TRIOBP: variants seen among roughly 807,000 people sequenced by gnomAD.
TRIOBP encodes the protein TRIO and F-actin binding protein.
A neutral mutation model predicts 238.8 loss-of-function variants in TRIOBP; 169 were observed. The ratio of observed to expected loss-of-function variants is 0.71; its 90% CI spans 0.62 to 0.80. TRIOBP has a LOEUF of 0.80. TRIOBP is among the 30% of genes least tolerant of loss of function. The pLI is 0.00. For missense variants in TRIOBP, 2,838 were observed against 3,122.6 expected (o/e 0.91, Z 2.17); for synonymous variants, 1,150 against 1,274.4 (o/e 0.90, Z 2.08).
chr22:37,731,351 G>A (rs1924413631), intron 7 of TRIOBP, among the ~76,000 whole-genome samples: 1 of 151,906 alleles, frequency 6.6e-6, no homozygotes, highest in Non-Finnish European at 1.5e-5. Context: ...TCTGTTGCCA[G>A]GGCTGTCTCA....
chr22:37,759,602 G>A, intron 17 of TRIOBP: 5 of 1,561,158 alleles, frequency 3.2e-6, no homozygotes, highest in Non-Finnish European at 4.3e-6. Flanking sequence ...CTTGCCCCGG[G>A]GAAGTGGGGG....
intron 3 of TRIOBP, among the ~76,000 whole-genome samples, chr22:37,703,795 G>A (rs1228421249): frequency 6.6e-6 from 1 of 151,838 alleles, no homozygotes; most frequent in Non-Finnish European, 1.5e-5. Flanking sequence ...ATGAGCCACC[G>A]CGCCCAGCTT....
chr22:37,739,442 C>T (rs1924834942), intron 10 of TRIOBP, among the ~76,000 whole-genome samples: 1 of 152,136 alleles, frequency 6.6e-6, no homozygotes, highest in African/African-American at 2.4e-5. Context: ...ATAGCGCCCC[C>T]CAAGTAGGGC....
In TRIOBP at chr22:37,738,693, C is replaced by T; in HGVS notation, c.5158C>T (p.Leu1720=). The T allele has an allele frequency of 6.2e-7, 1 of 1,613,964 alleles. No homozygotes were observed. Among genetic ancestry groups the T allele is most frequent in the Non-Finnish European group, 8.5e-7 (1 of 1,179,966 alleles). The part of the protein sequence containing the change: ...ESEPSRGQDP[L]TDQKQADSAD... ...AGAACCAAGCAGAGGCCAAGACCCC[C>T]TGACTGACCAGAAGCAGGCAGACTC... Residue 1720 remains leucine (L), a synonymous_variant, in exon 10 of 24, where the codon CTG becomes TTG. Coordinates refer to ENST00000644935, the MANE Select transcript of TRIOBP (RefSeq NM_001039141.3).
chr22:37,751,695 G>A, intron 11 of TRIOBP, 77 bp from the exon 12 acceptor site: 1 of 1,540,128 alleles, frequency 6.5e-7, no homozygotes, highest in Middle Eastern at 1.7e-4. Context: ...GACAGGGTGG[G>A]TGCAGCACGC....
Position 37,769,269 on chromosome 22 carries a change from A to T in TRIOBP, c.6743A>T (p.His2248Leu). 1 of 1,610,984 alleles carries T rather than the reference A, an allele frequency of 6.2e-7. No individual in the cohort carries two copies. The highest frequency in any genetic ancestry group is 8.5e-7 in the Non-Finnish European group (1 of 1,179,112). ...CCACCGTGCCTCTCCCAGGAGCTGC[A>T]TGGCCGCCTGTCAGAGGAGATAGAC... ...QELLRHNQEL[H>L]GRLSEEIDQL... Residue 2248 changes from histidine to leucine, a missense_variant, in exon 21 of 24, where the codon CAT becomes CTT. Transcript: ENST00000644935.
At chr22:37,707,645 T>A (rs1569032923) in intron 3 of TRIOBP, among the ~76,000 whole-genome samples, 2 of 146,330 alleles carry the variant, frequency 1.4e-5, no homozygotes, top group African/African-American at 5.0e-5. Context: ...TCTGTATGTT[T>A]AAAAAAAAAA....
intron 8 of TRIOBP, 41 bp downstream of exon 8, chr22:37,733,453 G>T (rs1924520163): frequency 6.8e-7 from 1 of 1,462,442 alleles, no homozygotes; most frequent in Non-Finnish European, 9.4e-7. Flanking sequence ...ACCCCAAGGG[G>T]CGGCCACTGC....
Position 37,724,648 on chromosome 22 carries a change from A to G in TRIOBP, c.2092A>G (p.Thr698Ala), listed in dbSNP as rs750724818. The G allele has an allele frequency of 1.2e-6, 2 of 1,610,488 alleles. No homozygotes were observed. The highest frequency in any genetic ancestry group is 4.5e-5 in the East Asian group (2 of 44,730). ...SRTIQQENPRTSCAQRDDPRA... is the reference protein window; with the variant it reads ...SRTIQQENPRASCAQRDDPRA... ...AACCATCCAACAAGAGAACCCCAGA[A>G]CATCCTGTGCCCAACGGGACGATCC... Residue 698 changes from threonine (T) to alanine (A), a missense_variant, in exon 7 of 24, where the codon ACA (threonine) becomes GCA (alanine). Thr to Ala is a moderately conservative substitution (Grantham distance 58). Transcript: ENST00000644935.
At chr22:37,713,778 A>G (rs1467735808) in intron 5 of TRIOBP, among the ~76,000 whole-genome samples, 1 of 152,178 alleles carries the variant, frequency 6.6e-6, no homozygotes, top group Admixed American at 6.5e-5. Context: ...CCCTCGACAC[A>G]CAGTGCTGAG....
At chr22:37,712,281 G>A (rs775631890) in intron 4 of TRIOBP, among the ~76,000 whole-genome samples, 12 of 151,898 alleles carry the variant, frequency 7.9e-5, no homozygotes, top group South Asian at 4.2e-4. Context: ...TCAGCCTCCC[G>A]AGTAGCTGGG....
chr22:37,717,931 C>G (rs1419824349), intron 6 of TRIOBP, among the ~76,000 whole-genome samples: 1 of 152,214 alleles, frequency 6.6e-6, no homozygotes, highest in Non-Finnish European at 1.5e-5. Flanking sequence ...CAGGAGCCCA[C>G]GGAGGCGGGG....
chr22:37,764,675 C>A (rs553919144), intron 17 of TRIOBP, among the ~76,000 whole-genome samples: 2 of 152,226 alleles, frequency 1.3e-5, no homozygotes, highest in Non-Finnish European at 2.9e-5. Context: ...CCACCCCCAA[C>A]ACACACCGTT....
intron 3 of TRIOBP, among the ~76,000 whole-genome samples, chr22:37,702,889 C>T (rs1922732741): frequency 1.3e-5 from 2 of 152,110 alleles, no homozygotes; most frequent in Admixed American, 1.3e-4. Flanking sequence ...GTGATCCTCC[C>T]ACCTCAACCT....
At chr22:37,756,475 T>G (rs951186689) in intron 15 of TRIOBP, among the ~76,000 whole-genome samples, 1 of 152,230 alleles carries the variant, frequency 6.6e-6, no homozygotes, top group Admixed American at 6.5e-5. Flanking sequence ...GCATGTCATG[T>G]CTGTACATGT....
chr22:37,718,113 A>T (rs913424400), intron 6 of TRIOBP, among the ~76,000 whole-genome samples: 7 of 152,276 alleles, frequency 4.6e-5, no homozygotes, highest in African/African-American at 1.7e-4. Flanking sequence ...CGGGGCCGGC[A>T]GGGCCAGCCG....
intron 11 of TRIOBP, among the ~76,000 whole-genome samples, chr22:37,749,377 G>A (rs1046782547): frequency 2.6e-5 from 4 of 152,028 alleles, no homozygotes; most frequent in Admixed American, 1.3e-4. Context: ...ACCTGGAGCC[G>A]TCCCTGGAAC....
Position 37,735,288 on chromosome 22 carries a change from C to G in TRIOBP, c.4952C>G (p.Pro1651Arg). ...GHSPALQSQSPVQLPSPACTS... is the reference protein window; with the variant it reads ...GHSPALQSQSRVQLPSPACTS... ...AGCCCCGCACTGCAGTCCCAGAGCCCGGTCCAGCTGCCCAGCCCTGCCTGC... is the reference window on the plus strand; with the variant it reads ...AGCCCCGCACTGCAGTCCCAGAGCCGGGTCCAGCTGCCCAGCCCTGCCTGC... Residue 1651 changes from proline to arginine, a missense_variant, in exon 9 of 24, where the codon CCG becomes CGG. By Grantham distance (103) the Pro-to-Arg change is moderately radical. Transcript: ENST00000644935. 2 of 1,610,676 alleles carry G rather than the reference C, an allele frequency of 1.2e-6. No homozygotes were observed. Among genetic ancestry groups the G allele is most frequent in the Non-Finnish European group, 1.7e-6 (2 of 1,177,674 alleles).
At chr22:37,718,141 G>T (rs1923632215) in intron 6 of TRIOBP, among the ~76,000 whole-genome samples, 1 of 152,172 alleles carries the variant, frequency 6.6e-6, no homozygotes, top group African/African-American at 2.4e-5. Flanking sequence ...CGAGTGCGGG[G>T]CCCACCAAGC....
Sources: gnomAD v4.1 joint callset for allele counts (sites outside exome capture counted in the v4.1 genomes callset) on GRCh38, gnomAD v4.1.1 for gene constraint, MANE v1.5 for transcripts, NCBI Gene and HGNC (gene_info 2026-07-23, HGNC 2026-07-21) for gene names.